The following EFCAB5 variants were observed in gnomAD, a reference collection of about 807,000 sequenced individuals.
EFCAB5 encodes the protein EF-hand calcium binding domain 5.
EFCAB5 carries 131 observed loss-of-function variants against 167.9 expected under a neutral mutation model. The ratio of observed to expected loss-of-function variants is 0.78; its 90% confidence interval spans 0.68 to 0.90. The LOEUF (loss-of-function observed/expected upper bound fraction) is 0.90, where lower values mean the gene tolerates loss of function less well. Among genes scored for constraint, EFCAB5 ranks in the 40% least tolerant of loss-of-function variants. EFCAB5 has a pLI of 0.00. For missense variants in EFCAB5, 1,663 were observed against 1,745.2 expected, an observed-to-expected ratio of 0.95 and a Z score of 0.84; for synonymous variants, 574 against 602.8, an observed-to-expected ratio of 0.95 and a Z score of 0.70.
intron 7 of EFCAB5, among the ~76,000 whole-genome samples, chr17:30,003,780 T>C (rs969910460): frequency 3.2e-4 from 49 of 152,354 alleles, no homozygotes; most frequent in African/African-American, 1.2e-3. Flanking sequence ...CCAACAGCTG[T>C]GTCATCTCAG....
chr17:30,051,305 A>G (rs746666393), intron 9 of EFCAB5, 88 bp downstream of exon 9: 59 of 1,078,358 alleles, frequency 5.5e-5, no homozygotes, highest in Middle Eastern at 2.1e-4. Flanking sequence ...ATGTTAACAC[A>G]AGATTATTCT....
intron 6 of EFCAB5, 34 bp downstream of exon 6, chr17:29,996,394 T>G (rs2068544714): frequency 1.3e-6 from 2 of 1,503,410 alleles, no homozygotes; most frequent in African/African-American, 1.4e-5. Context: ...ATTTTTATTT[T>G]TATTTCTTTT....
chr17:30,044,268 T>C (rs914016082), intron 8 of EFCAB5, among the ~76,000 whole-genome samples: 4 of 152,192 alleles, frequency 2.6e-5, no homozygotes, highest in Non-Finnish European at 5.9e-5. Flanking sequence ...AAATTAAACC[T>C]ACTGGAATGA....
At chr17:29,991,478 A>T (rs1597632015) in intron 4 of EFCAB5, among the ~76,000 whole-genome samples, 1 of 152,226 alleles carries the variant, frequency 6.6e-6, no homozygotes, top group Non-Finnish European at 1.5e-5. Context: ...AAACAAAGGG[A>T]TGGGCTGAAA....
At chr17:29,975,107 G>C (rs927608741) in intron 4 of EFCAB5, among the ~76,000 whole-genome samples, 1 of 151,896 alleles carries the variant, frequency 6.6e-6, no homozygotes, top group African/African-American at 2.4e-5. Context: ...CTCAGCTTTT[G>C]AGCCATACAA....
At chr17:29,993,449 C>T in intron 5 of EFCAB5, 128 bp downstream of exon 5, 1 of 873,318 alleles carries the variant, frequency 1.1e-6, no homozygotes, top group Non-Finnish European at 1.6e-6. Context: ...AAGTCTTGAC[C>T]TGTCTGGTCC....
chr17:29,962,853 G>T (rs2067750334), intron 3 of EFCAB5, among the ~76,000 whole-genome samples: 1 of 152,040 alleles, frequency 6.6e-6, no homozygotes, highest in Non-Finnish European at 1.5e-5. Flanking sequence ...AACAGCAGTG[G>T]TGAAAGTAGG....
chr17:30,034,457 A>G (rs2069565885), intron 8 of EFCAB5, 72 bp downstream of exon 8: 40 of 1,511,346 alleles, frequency 2.6e-5, no homozygotes, highest in Non-Finnish European at 3.2e-5. Context: ...CCAGCACTTT[A>G]GGAGGCTGAG....
At chr17:29,939,036 C>A (rs1018260605), upstream of EFCAB5, among the ~76,000 whole-genome samples, 1 of 152,124 alleles carries the variant, frequency 6.6e-6, no homozygotes, top group Non-Finnish European at 1.5e-5. Context: ...GAAGCTATAG[C>A]CTTATGAAAT....
rs1236730238 is a variant in EFCAB5 at position 29,943,556 on chromosome 17, T to C, written c.106-9T>C. On this transcript the variant is annotated splice_polypyrimidine_tract_variant and intron_variant, in intron 2 of 22. Coordinates refer to ENST00000394835, the MANE Select transcript of EFCAB5 (RefSeq NM_198529.4). ...ATTGAAATTGGTGATTTTTTTCCTC[T>C]TTTCAAAGACCTTACAGAGTGTGCC... 2 of 1,561,726 alleles carry C rather than the reference T, an allele frequency of 1.3e-6. No individual in the cohort carries two copies. The highest frequency in any genetic ancestry group is 1.9e-5 in the Admixed American group (1 of 51,678).
chr17:30,061,760 G>T (rs1194713592), intron 14 of EFCAB5, among the ~76,000 whole-genome samples: 3 of 152,086 alleles, frequency 2.0e-5, no homozygotes, highest in Admixed American at 6.6e-5. Flanking sequence ...TTAAGACAGG[G>T]TCTCACTATG....
rs563186582 is a variant in EFCAB5, at chr17:29,967,270, T to C, written c.191-1521T>C. Among the ~76,000 whole-genome samples, 16 of 152,350 alleles carry C rather than the reference T, an allele frequency of 1.1e-4. No individual in the cohort carries two copies. The South Asian group carries it at 3.3e-3, about 32-fold the overall frequency. Reference sequence around the variant, plus strand: ...TTTCCTATAGAGTTACTGTTTTCTATAGTCTGATGCCAGTGGGGGAAGGAC... The same window carrying C: ...TTTCCTATAGAGTTACTGTTTTCTACAGTCTGATGCCAGTGGGGGAAGGAC... On this transcript the variant is annotated intron_variant, in intron 3 of 22. Coordinates refer to ENST00000394835, the MANE Select transcript of EFCAB5 (RefSeq NM_198529.4).
chr17:29,943,874 C>T (rs978966850), intron 3 of EFCAB5, among the ~76,000 whole-genome samples: 1 of 151,836 alleles, frequency 6.6e-6, no homozygotes, highest in African/African-American at 2.4e-5. Context: ...ACTCTGGAGG[C>T]TGAGGCAGGA....
intron 14 of EFCAB5, chr17:30,069,558 G>C: frequency 3.1e-6 from 5 of 1,613,244 alleles, no homozygotes; most frequent in Non-Finnish European, 3.4e-6. Flanking sequence ...AACAACGCTG[G>C]CTTCCGCGTA....
At chr17:29,972,237 C>T (rs2067970501) in intron 4 of EFCAB5, among the ~76,000 whole-genome samples, 1 of 138,654 alleles carries the variant, frequency 7.2e-6, no homozygotes, top group South Asian at 2.3e-4. Flanking sequence ...TTTTAGTAGA[C>T]ATGGGGTTTC....
intron 15 of EFCAB5, 118 bp from the exon 16 acceptor site, chr17:30,079,953 CT>C: frequency 1.6e-6 from 2 of 1,236,542 alleles, no homozygotes; most frequent in Non-Finnish European, 2.2e-6. Context: ...TATATGCATT[CT>C]TTATTCAGGA....
intron 17 of EFCAB5, among the ~76,000 whole-genome samples, chr17:30,082,390 CTTTTTT>C (rs71138871): frequency 2.0e-5 from 2 of 98,246 alleles, no homozygotes; most frequent in Non-Finnish European, 1.9e-5. Flanking sequence ...CTTTATACCT[CTTTTTT>C]TTTTTTTTTT....
At chr17:29,981,196 C>T (rs2068166853) in intron 4 of EFCAB5, among the ~76,000 whole-genome samples, 1 of 152,050 alleles carries the variant, frequency 6.6e-6, no homozygotes, top group Non-Finnish European at 1.5e-5. Flanking sequence ...ACCCTTTTAC[C>T]CTCAGAATAA....
At chr17:30,035,753 A>G (rs1437254467) in intron 8 of EFCAB5, among the ~76,000 whole-genome samples, 2 of 152,258 alleles carry the variant, frequency 1.3e-5, no homozygotes, top group East Asian at 1.9e-4. Context: ...CTTTCCTTAT[A>G]GTATAGGGAG....
Sources: allele counts gnomAD v4.1 joint callset (sites outside exome capture counted in the v4.1 genomes callset), GRCh38; gene constraint gnomAD v4.1.1; transcripts MANE v1.5; gene names NCBI Gene and HGNC (gene_info 2026-07-23, HGNC 2026-07-21).